LAPTM4B: variants seen among roughly 807,000 people sequenced by gnomAD.
LAPTM4B encodes the protein lysosomal-associated transmembrane protein 4B.
In LAPTM4B, 26 loss-of-function variants were observed where a neutral mutation model predicts 28.5. The ratio of observed to expected loss-of-function variants is 0.91; its 90% CI spans 0.67 to 1.27. The LOEUF is 1.27. LAPTM4B is among the 50% of genes most tolerant of loss of function. The probability of loss-of-function intolerance (pLI) is 0.00; values close to 1 mark genes in which losing one functional copy is unlikely to be tolerated. For missense variants in LAPTM4B, 288 were observed against 285.8 expected (o/e 1.01, Z -0.06); for synonymous variants, 109 against 106.4 (o/e 1.02, Z -0.15).
intron 5 of LAPTM4B, among the ~76,000 whole-genome samples, chr8:97,821,190 G>T (rs1816996487): frequency 6.6e-6 from 1 of 151,986 alleles, no homozygotes; most frequent in Non-Finnish European, 1.5e-5. Flanking sequence ...CAAAAAATTA[G>T]TTGGGCATGG....
At chr8:97,807,406 A>G (rs1383159999) in intron 2 of LAPTM4B, among the ~76,000 whole-genome samples, 2 of 152,210 alleles carry the variant, frequency 1.3e-5, no homozygotes, top group Admixed American at 6.5e-5. Context: ...CACCATCTCT[A>G]CTAAAATCTA....
At chr8:97,780,048 CTCA>C (rs1816284687) in intron 1 of LAPTM4B, among the ~76,000 whole-genome samples, 1 of 60,974 alleles carries the variant, frequency 1.6e-5, no homozygotes, top group Non-Finnish European at 3.1e-5. Context: ...GAGACTCTGT[CTCA>C]AAAAAAAAAA....
chr8:97,781,605 A>G (rs1378766062), intron 1 of LAPTM4B, among the ~76,000 whole-genome samples: 3 of 152,090 alleles, frequency 2.0e-5, no homozygotes, highest in African/African-American at 7.2e-5. Flanking sequence ...TAGTTTATTG[A>G]GTTGACAAAT....
intron 6 of LAPTM4B, among the ~76,000 whole-genome samples, chr8:97,845,666 TTCTTTGAGGG>T (rs1817417028): frequency 1.3e-5 from 2 of 151,968 alleles, no homozygotes; most frequent in Admixed American, 1.3e-4. Flanking sequence ...CCAAGGATGG[TTCTTTGAGGG>T]TCTCATGGAA....
At chr8:97,848,333 TAAG>T (rs1817463238) in intron 6 of LAPTM4B, among the ~76,000 whole-genome samples, 1 of 151,850 alleles carries the variant, frequency 6.6e-6, no homozygotes, top group Non-Finnish European at 1.5e-5. Context: ...AGATGAATAA[TAAG>T]AAATAGTGAC....
intron 1 of LAPTM4B, among the ~76,000 whole-genome samples, chr8:97,795,867 C>G (rs948997414): frequency 1.4e-5 from 2 of 140,916 alleles, no homozygotes; most frequent in Admixed American, 7.1e-5. Flanking sequence ...AAAGATCTAA[C>G]ACTAATTGGT....
rs867572711 is a variant in LAPTM4B, at chr8:97,852,703, G to C, written c.*1229G>C. The stretch of plus-strand genomic sequence containing the variant: ...AGCCTAAGGAGTAGGCTTTTTTTTG[G>C]GGGGGGGAGGTCGGGTGGGGGGGAT... On this transcript the variant is annotated 3_prime_UTR_variant, in exon 7 of 7. Coordinates refer to ENST00000521545, the MANE Select transcript of LAPTM4B (RefSeq NM_018407.6). 6.1e-3 allele frequency: 689 copies of C among 112,706 alleles called. 3 individuals are homozygous for C. The highest frequency in any genetic ancestry group is 8.5e-3 in the Non-Finnish European group (549 of 64,798). The allele number at this position is 112,706 out of a possible 1,614,324, so 7.0% of individuals were successfully genotyped here. A position where few individuals can be genotyped will look rare whatever the true frequency, so the allele number is the denominator to read the frequency against.
At chr8:97,836,054 C>T (rs995418262) in intron 6 of LAPTM4B, among the ~76,000 whole-genome samples, 3 of 152,150 alleles carry the variant, frequency 2.0e-5, no homozygotes, top group Non-Finnish European at 2.9e-5. Context: ...AGTTTCATCC[C>T]GAAACCATCA....
chr8:97,780,820 G>C (rs1816296264), intron 1 of LAPTM4B, among the ~76,000 whole-genome samples: 1 of 152,014 alleles, frequency 6.6e-6, no homozygotes, highest in Admixed American at 6.6e-5. Context: ...AATAATAAAA[G>C]TTTTCCTTCA....
chr8:97,807,351 A>G lies in LAPTM4B; in HGVS notation c.211+1887A>G, dbSNP rs1313045483. 2.6e-5 allele frequency among the ~76,000 whole-genome samples: 4 copies of G among 152,278 alleles called. No homozygotes were observed. In the East Asian group the frequency reaches 7.7e-4, roughly 29 times the overall value. On this transcript the variant is annotated intron_variant, in intron 2 of 6. Coordinates refer to ENST00000521545, the MANE Select transcript of LAPTM4B (RefSeq NM_018407.6). ...GGAGCCTGGGAGGGTGGTGGGGATC[A>G]CTTGAGATCAGGAGTTCAAGACCAG...
chr8:97,829,760 C>T (rs1299053469), intron 6 of LAPTM4B, among the ~76,000 whole-genome samples: 1 of 151,524 alleles, frequency 6.6e-6, no homozygotes, highest in African/African-American at 2.4e-5. Flanking sequence ...GGCACAACCT[C>T]GCTCACTGCT....
In LAPTM4B at chr8:97,807,366, T is replaced by C. The variant is rs572956643; in HGVS notation, c.211+1902T>C. Among the ~76,000 whole-genome samples the C allele has an allele frequency of 8.0e-4, 122 of 151,966 alleles. No individual in the cohort carries two copies. In the South Asian group the frequency reaches 0.025, roughly 31 times the overall value. On this transcript the variant is annotated intron_variant, in intron 2 of 6. Coordinates refer to ENST00000521545, the MANE Select transcript of LAPTM4B (RefSeq NM_018407.6). Reference sequence around the variant, plus strand: ...GGTGGGGATCACTTGAGATCAGGAGTTCAAGACCAGCCTGGTCAACGTGGC... The same window carrying C: ...GGTGGGGATCACTTGAGATCAGGAGCTCAAGACCAGCCTGGTCAACGTGGC...
At chr8:97,827,261 C>G (rs1421268846) in intron 6 of LAPTM4B, among the ~76,000 whole-genome samples, 1 of 152,222 alleles carries the variant, frequency 6.6e-6, no homozygotes, top group African/African-American at 2.4e-5. Flanking sequence ...TAATCTTCCC[C>G]CTTCCTTTCT....
At chr8:97,820,545 T>A (rs959135892) in intron 5 of LAPTM4B, among the ~76,000 whole-genome samples, 2 of 152,100 alleles carry the variant, frequency 1.3e-5, no homozygotes, top group Admixed American at 1.3e-4. Context: ...GGTACTGTGA[T>A]GAAAAGGAGT....
chr8:97,806,137 G>A (rs1252867292), intron 2 of LAPTM4B, among the ~76,000 whole-genome samples: 1 of 152,206 alleles, frequency 6.6e-6, no homozygotes, highest in African/African-American at 2.4e-5. Context: ...AGAGAGGAGA[G>A]AGTGGCTCAA....
Position 97,851,462 on chromosome 8 carries a change from C to A in LAPTM4B, c.669C>A (p.Tyr223Ter). 1 of 1,613,796 alleles carries A rather than the reference C, an allele frequency of 6.2e-7. No homozygotes were observed. Among genetic ancestry groups the A allele is most frequent in the Non-Finnish European group, 8.5e-7 (1 of 1,179,664 alleles). ...NGAAKEPPPPYVSA is the reference protein window; with the variant it reads ...NGAAKEPPPP ...CTGCCAAGGAGCCACCGCCACCTTACGTGTCTGCCTAAGCCTTCAAGTGGG... is the reference window on the plus strand; with the variant it reads ...CTGCCAAGGAGCCACCGCCACCTTAAGTGTCTGCCTAAGCCTTCAAGTGGG... Residue 223 changes from tyrosine (Y) to a stop codon, truncating the protein, a stop_gained, in exon 7 of 7, where the codon TAC becomes TAA. Transcript: ENST00000521545. LOFTEE classifies it high-confidence loss of function.
chr8:97,796,343 C>G (rs1816582913), intron 1 of LAPTM4B, among the ~76,000 whole-genome samples: 3 of 152,174 alleles, frequency 2.0e-5, no homozygotes. Context: ...AGCAGTCATC[C>G]TGCCTGGGCT....
chr8:97,775,932 C>A lies in LAPTM4B; in HGVS notation c.-78C>A. 1 of 1,178,320 alleles carries A rather than the reference C, an allele frequency of 8.5e-7. No homozygotes were observed. The allele number at this position is 1,178,320 out of a possible 1,614,324, so 73.0% of individuals were successfully genotyped here. A position where few individuals can be genotyped will look rare whatever the true frequency, so the allele number is the denominator to read the frequency against. ...GGAGCGGCGGAGGAGCCGGCAGCAG[C>A]GGCGCGGCGGGCTCCAGGCGAGGCG... On this transcript the variant is annotated 5_prime_UTR_variant, in exon 1 of 7. Coordinates refer to ENST00000521545, the MANE Select transcript of LAPTM4B (RefSeq NM_018407.6).
At position 97,782,280 on chromosome 8, in the gene LAPTM4B, T is replaced by TC. The variant is rs1816333793; in HGVS notation, c.99+6172_99+6173insC. 3.2e-4 allele frequency among the ~76,000 whole-genome samples: 5 copies of TC among 15,548 alleles called. No homozygotes were observed. In the East Asian group the frequency reaches 0.014, roughly 42 times the overall value. The allele number at this position is 15,548 out of a possible 152,430, so 10.2% of individuals were successfully genotyped here. On this transcript the variant is annotated intron_variant, in intron 1 of 6. Transcript: ENST00000521545. Reference sequence around the variant, plus strand: ...ACAGGCCTGAGCCACCATGCCCAGCTTTTTTTTTTTTTTTTTTTTTTTTTT... The same window carrying TC: ...ACAGGCCTGAGCCACCATGCCCAGCTCTTTTTTTTTTTTTTTTTTTTTTTTT...
Sources: gnomAD v4.1 joint callset for allele counts (sites outside exome capture counted in the v4.1 genomes callset) on GRCh38, gnomAD v4.1.1 for gene constraint, MANE v1.5 for transcripts, NCBI Gene and HGNC (gene_info 2026-07-23, HGNC 2026-07-21) for gene names.